Variants in RYR2 observed in about 807,000 individuals in gnomAD.
RYR2 encodes the protein ryanodine receptor 2.
Under a neutral mutation model 601.1 loss-of-function variants are expected in RYR2, and 227 were observed. The observed-to-expected ratio is 0.38, with a 90% CI of 0.34 to 0.42. RYR2 has a LOEUF of 0.42. Among genes scored for constraint, RYR2 ranks in the 10% least tolerant of loss-of-function variants. The probability of loss-of-function intolerance (pLI) is 1.00; values close to 1 mark genes in which losing one functional copy is unlikely to be tolerated. For synonymous variants in RYR2, 2,223 were observed against 2,175.1 expected (o/e 1.02, Z -0.61); for missense variants, 4,646 against 6,156.5 (o/e 0.75, Z 8.21).
chr1:237,762,342 G>C (rs539456511), intron 84 of RYR2, among the ~76,000 whole-genome samples: 1 of 152,286 alleles, frequency 6.6e-6, no homozygotes, highest in South Asian at 2.1e-4. Context: ...GCAGATCTCA[G>C]GGCCTATCAC....
chr1:237,541,255 A>G (rs1453590621), intron 25 of RYR2, among the ~76,000 whole-genome samples: 1 of 152,198 alleles, frequency 6.6e-6, no homozygotes, highest in East Asian at 1.9e-4. Context: ...TAGGATTTAA[A>G]TCCAATGAGC....
intron 24 of RYR2, among the ~76,000 whole-genome samples, chr1:237,514,046 C>T (rs2618687): frequency 0.31 from 47,893 of 152,120 alleles, 9,263 homozygotes; most frequent in East Asian, 0.49. Context: ...GAATGCATAA[C>T]GAGCCCTGTG....
intron 1 of RYR2, among the ~76,000 whole-genome samples, chr1:237,269,361 G>T (rs1339738303): frequency 1.3e-5 from 2 of 150,628 alleles, no homozygotes; most frequent in African/African-American, 4.9e-5. Context: ...TATTCTTTAG[G>T]TTAGCTAAAA....
At chr1:237,662,951 G>T (rs1355756031) in intron 56 of RYR2, among the ~76,000 whole-genome samples, 1 of 152,128 alleles carries the variant, frequency 6.6e-6, no homozygotes, top group Non-Finnish European at 1.5e-5. Context: ...AATTCTTATT[G>T]TTACTATTGT....
intron 29 of RYR2, among the ~76,000 whole-genome samples, chr1:237,585,093 G>C (rs1303380716): frequency 6.6e-6 from 1 of 152,044 alleles, no homozygotes; most frequent in Non-Finnish European, 1.5e-5. Flanking sequence ...TTTACCTACT[G>C]TCTATGGCTG....
chr1:237,606,762 C>T (rs1473771512), intron 35 of RYR2, among the ~76,000 whole-genome samples: 1 of 152,116 alleles, frequency 6.6e-6, no homozygotes, highest in Non-Finnish European at 1.5e-5. Context: ...AAAAAGTGGA[C>T]AAAGGATATG....
rs537648561 is a variant in RYR2, at chr1:237,689,845, C to CT, written c.9067+2356dup. On this transcript the variant is annotated intron_variant, in intron 63 of 104. Coordinates refer to ENST00000366574, the MANE Select transcript of RYR2 (RefSeq NM_001035.3). ...TGCCAAATTATTAGAATCTTTAAGT[C>CT]TTTTTTTTTTTTTTTGAAAGAGTTT... Among the ~76,000 whole-genome samples, 740 of 140,348 alleles carry CT rather than the reference C, an allele frequency of 5.3e-3. 1 individual carries two copies. The highest frequency in any genetic ancestry group is 0.021 in the South Asian group (90 of 4,302). 92.1% of individuals were successfully genotyped at this position (140,348 alleles called of 152,430 possible).
intron 1 of RYR2, among the ~76,000 whole-genome samples, chr1:237,236,075 A>G (rs1685522853): frequency 6.6e-6 from 1 of 152,198 alleles, no homozygotes. Flanking sequence ...GTATTTTTCA[A>G]AACAACAGTA....
chr1:237,780,934 AAAGAT>A (rs1573920285), intron 88 of RYR2, among the ~76,000 whole-genome samples: 1 of 152,218 alleles, frequency 6.6e-6, no homozygotes, highest in Admixed American at 6.5e-5. Context: ...TTTTCAAATA[AAAGAT>A]AAGATAGATG....
intron 63 of RYR2, among the ~76,000 whole-genome samples, chr1:237,694,377 T>C (rs1687231147): frequency 6.6e-6 from 1 of 152,070 alleles, no homozygotes; most frequent in Non-Finnish European, 1.5e-5. Flanking sequence ...AGTGTGCCAT[T>C]AAGTTGAGAA....
At chr1:237,451,942 C>T (rs943680169) in intron 14 of RYR2, among the ~76,000 whole-genome samples, 8 of 150,440 alleles carry the variant, frequency 5.3e-5, no homozygotes, top group Non-Finnish European at 1.0e-4. Flanking sequence ...TGTTCTCTCT[C>T]TCCCAGGTCA....
At chr1:237,779,300 T>A (rs1694909174) in intron 88 of RYR2, among the ~76,000 whole-genome samples, 1 of 152,224 alleles carries the variant, frequency 6.6e-6, no homozygotes, top group African/African-American at 2.4e-5. Context: ...TTTTCTACCA[T>A]GTTTAATGTT....
At chr1:237,192,943 A>G (rs1680135584) in intron 1 of RYR2, among the ~76,000 whole-genome samples, 1 of 152,106 alleles carries the variant, frequency 6.6e-6, no homozygotes, top group South Asian at 2.1e-4. Context: ...TGTGTTTTTC[A>G]GTATCCTTCC....
At chr1:237,119,042 G>T (rs1410353757) in intron 1 of RYR2, among the ~76,000 whole-genome samples, 1 of 152,174 alleles carries the variant, frequency 6.6e-6, no homozygotes, top group South Asian at 2.1e-4. Flanking sequence ...AAATTCATAA[G>T]TTGAAGCCCT....
chr1:237,310,333 A>C lies in RYR2; in HGVS notation c.169-20545A>C, dbSNP rs112152291. On this transcript the variant is annotated intron_variant, in intron 2 of 104. Transcript: ENST00000366574. ...AGGAAAATAAAAACTTGGGTCCCCA[A>C]TTCACTCTGCCAAAAAGAAAAAATT... Among the ~76,000 whole-genome samples the C allele has an allele frequency of 7.2e-3, 1,103 of 152,354 alleles. 12 individuals are homozygous for C. The highest frequency in any genetic ancestry group is 0.025 in the African/African-American group (1,036 of 41,574).
rs2149168464 is a variant in RYR2, at chr1:237,732,166, T to C, written c.11039+17T>C. On this transcript the variant is annotated intron_variant, in intron 78 of 104. Transcript: ENST00000366574. ...AGAGAAATGGTATGGTTGGGAGGGT[T>C]CCTATGAGACATAGGAGGAGCAAAT... The C allele has an allele frequency of 6.6e-7, 1 of 1,517,540 alleles. No homozygotes were observed. Among genetic ancestry groups the C allele is most frequent in the African/African-American group, 1.4e-5 (1 of 72,950 alleles). 94.0% of individuals were successfully genotyped at this position (1,517,540 alleles called of 1,614,324 possible).
At chr1:237,651,560 A>T (rs767537193) in intron 51 of RYR2, 59 bp downstream of exon 51, 1 of 1,047,542 alleles carries the variant, frequency 9.5e-7, no homozygotes, top group Non-Finnish European at 1.4e-6. Context: ...TTTATTTTCT[A>T]TGACAACATA....
intron 101 of RYR2, among the ~76,000 whole-genome samples, chr1:237,826,403 A>G (rs1044840200): frequency 1.3e-5 from 2 of 152,190 alleles, no homozygotes; most frequent in African/African-American, 4.8e-5. Context: ...TTCTCAGCAA[A>G]CTAACACAAG....
intron 1 of RYR2, among the ~76,000 whole-genome samples, chr1:237,211,928 A>G (rs964941340): frequency 4.6e-5 from 7 of 152,220 alleles, no homozygotes; most frequent in Non-Finnish European, 1.0e-4. Flanking sequence ...AATTATTGAA[A>G]CAAATGAAGT....
Sources: allele counts gnomAD v4.1 joint callset (sites outside exome capture counted in the v4.1 genomes callset), GRCh38; gene constraint gnomAD v4.1.1; transcripts MANE v1.5; gene names NCBI Gene and HGNC (gene_info 2026-07-23, HGNC 2026-07-21).